The following ADAMTS19 variants were observed in gnomAD, a reference collection of about 807,000 sequenced individuals.
ADAMTS19 encodes ADAM metallopeptidase with thrombospondin type 1 motif 19.
Under a neutral mutation model 153.3 loss-of-function variants are expected in ADAMTS19, and 93 were observed. That is an observed-to-expected ratio of 0.61 (90% CI 0.51 to 0.72). The LOEUF (loss-of-function observed/expected upper bound fraction) is 0.72, where lower values mean the gene tolerates loss of function less well. Among genes scored for constraint, ADAMTS19 ranks in the 30% least tolerant of loss-of-function variants. The pLI is 0.00. For missense variants in ADAMTS19, 1,482 were observed against 1,552.1 expected, an observed-to-expected ratio of 0.95 and a Z score of 0.76; for synonymous variants, 600 against 556.6, an observed-to-expected ratio of 1.08 and a Z score of -1.10.
chr5:129,460,973 G>A, intron 1 of ADAMTS19, 129 bp from the exon 2 acceptor site: 1 of 1,243,008 alleles, frequency 8.0e-7, no homozygotes, highest in Non-Finnish European at 1.0e-6. Context: ...GAGTTTCAGG[G>A]TCTAGACGGG....
At chr5:129,497,771 A>C (rs1238039165) in intron 2 of ADAMTS19, among the ~76,000 whole-genome samples, 1 of 151,978 alleles carries the variant, frequency 6.6e-6, no homozygotes, top group Non-Finnish European at 1.5e-5. Context: ...AGATCTGTTT[A>C]CTTTTTTCCA....
chr5:129,541,624 C>T (rs1044769910), intron 6 of ADAMTS19, among the ~76,000 whole-genome samples: 1 of 152,022 alleles, frequency 6.6e-6, no homozygotes, highest in African/African-American at 2.4e-5. Flanking sequence ...TTTCTCACTG[C>T]TCCTGAGACC....
chr5:129,730,918 T>C (rs1320669027), intron 21 of ADAMTS19, among the ~76,000 whole-genome samples: 2 of 146,818 alleles, frequency 1.4e-5, no homozygotes, highest in Non-Finnish European at 3.0e-5. Context: ...TTTGAGATAG[T>C]GTTGTTGTTT....
chr5:129,553,283 T>G (rs554841881), intron 7 of ADAMTS19, among the ~76,000 whole-genome samples: 2 of 152,206 alleles, frequency 1.3e-5, no homozygotes, highest in South Asian at 4.1e-4. Flanking sequence ...ACGAACTGAC[T>G]CTTTATAGCC....
intron 2 of ADAMTS19, among the ~76,000 whole-genome samples, chr5:129,501,842 C>T (rs1751117284): frequency 6.6e-6 from 1 of 151,646 alleles, no homozygotes; most frequent in Non-Finnish European, 1.5e-5. Context: ...TTTAAATAGG[C>T]TTGAAAAAGA....
At chr5:129,587,794 G>T (rs1749894202) in intron 7 of ADAMTS19, among the ~76,000 whole-genome samples, 1 of 152,034 alleles carries the variant, frequency 6.6e-6, no homozygotes, top group Admixed American at 6.5e-5. Flanking sequence ...GTGCTGGGTG[G>T]CACCTCCCAC....
intron 8 of ADAMTS19, 71 bp downstream of exon 8, chr5:129,596,735 G>A: frequency 4.5e-6 from 5 of 1,117,896 alleles, no homozygotes; most frequent in Non-Finnish European, 6.3e-6. Context: ...TGAATTACCT[G>A]GATATCTTCT....
At chr5:129,555,826 A>G (rs569417874) in intron 7 of ADAMTS19, among the ~76,000 whole-genome samples, 1 of 152,332 alleles carries the variant, frequency 6.6e-6, no homozygotes, top group African/African-American at 2.4e-5. Context: ...TACAACTAGA[A>G]AACTGAATGT....
At chr5:129,482,001 T>A (rs564140842) in intron 2 of ADAMTS19, among the ~76,000 whole-genome samples, 1 of 152,326 alleles carries the variant, frequency 6.6e-6, no homozygotes, top group South Asian at 2.1e-4. Context: ...TGCACCTGCA[T>A]GCATTGCCTT....
chr5:129,467,544 T>A (rs1356871698), intron 2 of ADAMTS19, among the ~76,000 whole-genome samples: 1 of 151,808 alleles, frequency 6.6e-6, no homozygotes, highest in East Asian at 1.9e-4. Context: ...AAAGAGAAAA[T>A]CGTATGCATT....
At chr5:129,609,697 C>A (rs1458148087) in intron 8 of ADAMTS19, among the ~76,000 whole-genome samples, 1 of 152,120 alleles carries the variant, frequency 6.6e-6, no homozygotes, top group African/African-American at 2.4e-5. Context: ...TGGCAGCTCT[C>A]CCATACCAGA....
At position 129,668,046 on chromosome 5, in the gene ADAMTS19, G is replaced by A. The variant is rs550043187; in HGVS notation, c.2506+2467G>A. ...CAGTTTCACTGGGCCAAAAATCAGT[G>A]TTTGCAGTGTTACACTATCTCTGGA... On this transcript the variant is annotated intron_variant, in intron 16 of 22. Transcript: ENST00000274487. 7.2e-5 allele frequency among the ~76,000 whole-genome samples: 11 copies of A among 152,228 alleles called. No individual in the cohort carries two copies. In the East Asian group the frequency reaches 2.1e-3, roughly 30 times the overall value.
At chr5:129,608,982 A>G (rs1751065268) in intron 8 of ADAMTS19, among the ~76,000 whole-genome samples, 1 of 152,188 alleles carries the variant, frequency 6.6e-6, no homozygotes, top group Admixed American at 6.6e-5. Context: ...AAAACCAAAT[A>G]TGCTCTTCTA....
intron 3 of ADAMTS19, among the ~76,000 whole-genome samples, chr5:129,525,010 G>T (rs185726459): frequency 2.6e-5 from 4 of 152,174 alleles, no homozygotes; most frequent in East Asian, 3.9e-4. Context: ...ACATGTTACA[G>T]CAGCTGGCTC....
intron 14 of ADAMTS19, among the ~76,000 whole-genome samples, chr5:129,656,723 A>G (rs768215005): frequency 2.6e-5 from 4 of 152,222 alleles, no homozygotes; most frequent in Non-Finnish European, 5.9e-5. Flanking sequence ...TTATTTTTAA[A>G]ATATATGATT....
At chr5:129,564,188 A>C (rs1753623765) in intron 7 of ADAMTS19, among the ~76,000 whole-genome samples, 1 of 152,204 alleles carries the variant, frequency 6.6e-6, no homozygotes, top group African/African-American at 2.4e-5. Flanking sequence ...GTAAGCTGAT[A>C]CTTTCCAAAA....
chr5:129,503,722 G>C (rs571579590), intron 2 of ADAMTS19, among the ~76,000 whole-genome samples: 1 of 152,154 alleles, frequency 6.6e-6, no homozygotes, highest in South Asian at 2.1e-4. Flanking sequence ...CAACTACTAG[G>C]GAGGCTGAGG....
At chr5:129,611,278 A>G (rs1751202284) in intron 8 of ADAMTS19, among the ~76,000 whole-genome samples, 1 of 152,024 alleles carries the variant, frequency 6.6e-6, no homozygotes, top group South Asian at 2.1e-4. Context: ...GCTGTGCAGA[A>G]GCTCTTTAGT....
At chr5:129,612,791 C>G (rs1217130201) in intron 8 of ADAMTS19, among the ~76,000 whole-genome samples, 1 of 152,034 alleles carries the variant, frequency 6.6e-6, no homozygotes, top group Non-Finnish European at 1.5e-5. Flanking sequence ...ATTCAGGAAA[C>G]CCATCTCATG....
Sources: allele counts gnomAD v4.1 joint callset (sites outside exome capture counted in the v4.1 genomes callset), GRCh38; gene constraint gnomAD v4.1.1; transcripts MANE v1.5; gene names NCBI Gene and HGNC (gene_info 2026-07-23, HGNC 2026-07-21).